DLG2: variants seen among roughly 807,000 people sequenced by gnomAD.
The protein encoded by DLG2 is discs large MAGUK scaffold protein 2.
In DLG2, 45 loss-of-function variants were observed where a neutral mutation model predicts 132.5. The observed-to-expected ratio is 0.34, with a 90% CI of 0.27 to 0.44. DLG2 has a LOEUF of 0.44. Among genes scored for constraint, DLG2 ranks in the 20% least tolerant of loss-of-function variants. The probability of loss-of-function intolerance (pLI) is 1.00; values close to 1 mark genes in which losing one functional copy is unlikely to be tolerated. For synonymous variants in DLG2, 424 were observed against 419.6 expected (o/e 1.01, Z -0.13); for missense variants, 1,045 against 1,196.9 (o/e 0.87, Z 1.87).
chr11:83,901,479 T>C (rs1264225657), intron 15 of DLG2, among the ~76,000 whole-genome samples: 1 of 152,160 alleles, frequency 6.6e-6, no homozygotes, highest in Admixed American at 6.5e-5. Flanking sequence ...GTTCTTGTGA[T>C]AGTGGAGAAG....
intron 7 of DLG2, among the ~76,000 whole-genome samples, chr11:84,289,680 G>A (rs899666096): frequency 2.0e-5 from 3 of 152,116 alleles, no homozygotes; most frequent in Admixed American, 1.3e-4. Flanking sequence ...AGGATTCCTA[G>A]GCAAACATGG....
At chr11:84,064,585 T>C (rs1573569) in intron 10 of DLG2, among the ~76,000 whole-genome samples, 123,123 of 152,008 alleles carry the variant, frequency 0.81, 50,699 homozygotes, top group Middle Eastern at 0.93. Flanking sequence ...ATTGAGAGAA[T>C]GCATGTGAAA....
At chr11:84,003,292 C>T (rs989959937) in intron 11 of DLG2, among the ~76,000 whole-genome samples, 2 of 152,122 alleles carry the variant, frequency 1.3e-5, no homozygotes, top group Admixed American at 6.6e-5. Flanking sequence ...TCTTCTGAGC[C>T]CTCAAAACTT....
chr11:84,978,768 T>C (rs1191078710), intron 6 of DLG2, among the ~76,000 whole-genome samples: 1 of 152,070 alleles, frequency 6.6e-6, no homozygotes, highest in Non-Finnish European at 1.5e-5. Flanking sequence ...GGACGTCATG[T>C]CTAAAACACC....
intron 7 of DLG2, among the ~76,000 whole-genome samples, chr11:84,336,094 T>C (rs764955068): frequency 6.6e-6 from 1 of 152,222 alleles, no homozygotes; most frequent in Non-Finnish European, 1.5e-5. Flanking sequence ...TTTTGATGTA[T>C]TTACCAATAG....
intron 10 of DLG2, among the ~76,000 whole-genome samples, chr11:84,066,519 G>A (rs903833110): frequency 6.6e-6 from 1 of 152,168 alleles, no homozygotes; most frequent in African/African-American, 2.4e-5. Flanking sequence ...CAGCACTTCG[G>A]GAGGCTGAGA....
chr11:84,492,169 T>A lies in DLG2; in HGVS notation c.519+42401A>T, dbSNP rs535284321. Among the ~76,000 whole-genome samples the A allele has an allele frequency of 2.6e-5, 4 of 152,294 alleles. No individual in the cohort carries two copies. The South Asian group carries it at 8.3e-4, about 32-fold the overall frequency. On this transcript the variant is annotated intron_variant, in intron 7 of 27. Coordinates refer to ENST00000376104, the MANE Select transcript of DLG2 (RefSeq NM_001142699.3). ...TACACTTAAGAAGAGAGGCACCAAC[T>A]GTTCTAGTATGAATAAAAGGGTTTT...
intron 3 of DLG2, among the ~76,000 whole-genome samples, chr11:85,353,012 C>T (rs921393523): frequency 6.6e-6 from 1 of 152,156 alleles, no homozygotes; most frequent in African/African-American, 2.4e-5. Flanking sequence ...TAAAGAGCTT[C>T]TGCACAGCAA....
intron 9 of DLG2, among the ~76,000 whole-genome samples, chr11:84,114,767 T>G (rs2093549618): frequency 6.6e-6 from 1 of 152,112 alleles, no homozygotes; most frequent in Non-Finnish European, 1.5e-5. Flanking sequence ...TCACTACAAC[T>G]TCTTTCACGT....
chr11:85,338,995 T>C (rs1565345454), intron 3 of DLG2, among the ~76,000 whole-genome samples: 1 of 152,204 alleles, frequency 6.6e-6, no homozygotes, highest in African/African-American at 2.4e-5. Flanking sequence ...CCCGGCCATG[T>C]GTAATTAATT....
intron 6 of DLG2, among the ~76,000 whole-genome samples, chr11:84,905,560 T>C (rs1253093333): frequency 6.6e-6 from 1 of 152,182 alleles, no homozygotes; most frequent in African/African-American, 2.4e-5. Flanking sequence ...TATGATTTGA[T>C]GAATTATTTA....
intron 6 of DLG2, among the ~76,000 whole-genome samples, chr11:84,978,975 A>C (rs1555327324): frequency 6.6e-6 from 1 of 152,212 alleles, no homozygotes; most frequent in Non-Finnish European, 1.5e-5. Flanking sequence ...CAAGAAAAAA[A>C]CAACCCCATC....
intron 3 of DLG2, among the ~76,000 whole-genome samples, chr11:85,345,913 A>T (rs2082803697): frequency 2.0e-5 from 3 of 152,146 alleles, no homozygotes; most frequent in Admixed American, 2.0e-4. Flanking sequence ...GTGCTTCGAC[A>T]AATGAGATTC....
intron 7 of DLG2, among the ~76,000 whole-genome samples, chr11:84,369,972 A>G (rs550677376): frequency 6.6e-6 from 1 of 152,316 alleles, no homozygotes; most frequent in South Asian, 2.1e-4. Context: ...CTGCTGCTAA[A>G]CAATAAAACC....
At chr11:85,336,014 C>G (rs1233844010) in intron 3 of DLG2, 1 of 152,190 alleles carries the variant, frequency 6.6e-6, no homozygotes, top group East Asian at 1.9e-4. Flanking sequence ...TCTTTTCTCC[C>G]TTGTAAGGTT....
chr11:84,772,811 G>A (rs1197180621), intron 6 of DLG2, among the ~76,000 whole-genome samples: 2 of 152,098 alleles, frequency 1.3e-5, no homozygotes, highest in Non-Finnish European at 2.9e-5. Flanking sequence ...TAAGAGGAAA[G>A]TTTACAGTAC....
At chr11:83,637,734 A>G (rs920737647) in intron 18 of DLG2, among the ~76,000 whole-genome samples, 3 of 152,008 alleles carry the variant, frequency 2.0e-5, no homozygotes, top group African/African-American at 7.2e-5. Flanking sequence ...CCCTTCATCT[A>G]TTGTGTTAGT....
intron 7 of DLG2, chr11:84,316,953 C>T (rs775279744): frequency 1.2e-6 from 2 of 1,612,768 alleles, no homozygotes; most frequent in Non-Finnish European, 1.7e-6. Flanking sequence ...CTGGACCCCC[C>T]GGTCCTGTTT....
At chr11:83,471,826 G>C (rs1027396156) in intron 23 of DLG2, 99 bp from the exon 24 acceptor site, 13 of 889,958 alleles carry the variant, frequency 1.5e-5, no homozygotes, top group Non-Finnish European at 2.4e-5. Context: ...GACAGTAAGA[G>C]ATGCTAAGGG....
Sources: allele counts gnomAD v4.1 joint callset (sites outside exome capture counted in the v4.1 genomes callset), GRCh38; gene constraint gnomAD v4.1.1; transcripts MANE v1.5; gene names NCBI Gene and HGNC (gene_info 2026-07-23, HGNC 2026-07-21).